Variants in SLIT1 observed in about 807,000 individuals in gnomAD.
SLIT1 encodes slit homolog 1 protein.
A neutral mutation model predicts 186.1 loss-of-function variants in SLIT1; 66 were observed. The observed-to-expected ratio is 0.35, with a 90% CI of 0.29 to 0.44. SLIT1 has a LOEUF of 0.44. SLIT1 is among the 20% of genes least tolerant of loss of function. The pLI is 1.00. For synonymous variants in SLIT1, 761 were observed against 833.8 expected (o/e 0.91, Z 1.50); for missense variants, 1,638 against 2,037.4 (o/e 0.80, Z 3.77).
intron 26 of SLIT1, among the ~76,000 whole-genome samples, chr10:97,019,376 C>T (rs889421420): frequency 6.6e-5 from 10 of 152,164 alleles, no homozygotes; most frequent in Admixed American, 5.9e-4. Flanking sequence ...GGCAGGCAGG[C>T]GGGCGGGCAC....
intron 6 of SLIT1, 116 bp from the exon 7 acceptor site, chr10:97,064,355 T>G: frequency 1.2e-6 from 1 of 825,844 alleles, no homozygotes; most frequent in South Asian, 1.5e-5. Context: ...AGCACGGGGC[T>G]GGACATGGAG....
intron 26 of SLIT1, among the ~76,000 whole-genome samples, chr10:97,020,153 T>C (rs1848490003): frequency 6.6e-6 from 1 of 151,894 alleles, no homozygotes; most frequent in Admixed American, 6.6e-5. Context: ...AAAATTTTTT[T>C]GTAGCAACAG....
intron 4 of SLIT1, among the ~76,000 whole-genome samples, chr10:97,118,562 T>C (rs76856065): frequency 0.051 from 7,700 of 152,254 alleles, 242 homozygotes; most frequent in Admixed American, 0.073. Context: ...TGACCTTCAA[T>C]AGAAAAGGCG....
chr10:97,181,092 G>A (rs766967472), intron 1 of SLIT1, among the ~76,000 whole-genome samples: 17 of 152,162 alleles, frequency 1.1e-4, no homozygotes, highest in Non-Finnish European at 1.9e-4. Flanking sequence ...GGGGAAACTG[G>A]GTCTCAGAGC....
intron 4 of SLIT1, among the ~76,000 whole-genome samples, chr10:97,119,913 GTATATA>G (rs55656011): frequency 0.027 from 1,518 of 56,502 alleles, 61 homozygotes; most frequent in South Asian, 0.061. Context: ...TTCCAAAGGG[GTATATA>G]TATATATATA....
At chr10:97,140,514 C>T (rs974973129) in intron 4 of SLIT1, among the ~76,000 whole-genome samples, 13 of 152,222 alleles carry the variant, frequency 8.5e-5, no homozygotes, top group African/African-American at 3.1e-4. Flanking sequence ...TGGAGCCCCT[C>T]ATTCTCCATA....
chr10:97,123,800 A>C (rs1388630683), intron 4 of SLIT1, among the ~76,000 whole-genome samples: 3 of 151,794 alleles, frequency 2.0e-5, no homozygotes, highest in South Asian at 2.1e-4. Context: ...AAAAAAAAAA[A>C]AAAAACTGGA....
At chr10:97,174,140 T>A (rs1564694966) in intron 1 of SLIT1, among the ~76,000 whole-genome samples, 1 of 152,120 alleles carries the variant, frequency 6.6e-6, no homozygotes, top group Non-Finnish European at 1.5e-5. Context: ...TGCCCACTTA[T>A]CTCCTCTGGA....
At chr10:97,064,303 G>A (rs903510326) in intron 6 of SLIT1, 64 bp from the exon 7 acceptor site, 14 of 1,367,088 alleles carry the variant, frequency 1.0e-5, no homozygotes, top group East Asian at 4.6e-5. Context: ...GGACAGGGCC[G>A]CCCTGCTAAC....
chr10:97,158,833 G>A (rs924357554), intron 3 of SLIT1, among the ~76,000 whole-genome samples: 1 of 148,802 alleles, frequency 6.7e-6, no homozygotes, highest in Non-Finnish European at 1.5e-5. Context: ...CTGAGATCAC[G>A]CCACCGCACT....
At chr10:97,019,131 T>G (rs773771904) in intron 26 of SLIT1, 24 bp from the exon 27 acceptor site, 10 of 1,358,952 alleles carry the variant, frequency 7.4e-6, no homozygotes, top group Non-Finnish European at 1.1e-5. Flanking sequence ...AGGGTGCTAG[T>G]GCAGGGGGAG....
Position 97,046,804 on chromosome 10 carries a change from G to A in SLIT1, c.1710-7C>T. 2 of 1,611,014 alleles carry A rather than the reference G, an allele frequency of 1.2e-6. No homozygotes were observed. Among genetic ancestry groups the A allele is most frequent in the Non-Finnish European group, 1.7e-6 (2 of 1,179,954 alleles). ...CTTGTTGTTGCTCAGATTGCTGGGA[G>A]AAGAGGCGGGGGGAGGATTACATAT... is the stretch of plus-strand genomic sequence containing the variant. On this transcript the variant is annotated splice_region_variant and splice_polypyrimidine_tract_variant and intron_variant, in intron 17 of 36. Transcript: ENST00000266058.
At chr10:97,123,185 C>T (rs1849574779) in intron 4 of SLIT1, among the ~76,000 whole-genome samples, 1 of 152,204 alleles carries the variant, frequency 6.6e-6, no homozygotes, top group Non-Finnish European at 1.5e-5. Flanking sequence ...TTCCCAAAGA[C>T]GTGATCTTCT....
chr10:97,033,785 G>A (rs979565437), intron 23 of SLIT1, among the ~76,000 whole-genome samples: 1 of 151,846 alleles, frequency 6.6e-6, no homozygotes, highest in Non-Finnish European at 1.5e-5. Flanking sequence ...CATAAAGTCA[G>A]GACAGCAGCT....
intron 20 of SLIT1, among the ~76,000 whole-genome samples, chr10:97,042,563 G>T (rs971633656): frequency 1.3e-5 from 2 of 152,130 alleles, no homozygotes; most frequent in Admixed American, 6.5e-5. Flanking sequence ...CAGCCAAAAG[G>T]CAGGTCTGAG....
In SLIT1 at chr10:97,185,898, C is replaced by T. The variant is rs1166555062; in HGVS notation, c.-224G>A. On this transcript the variant is annotated 5_prime_UTR_variant, in exon 1 of 37. Transcript: ENST00000266058. Reference sequence around the variant, plus strand: ...GGGCGGAGGGGGCTCGGCTCCTCTGCCGTTTCGCCGCCTGCGTCTCCCTCT... The same window carrying T: ...GGGCGGAGGGGGCTCGGCTCCTCTGTCGTTTCGCCGCCTGCGTCTCCCTCT... 6.1e-6 allele frequency: 3 copies of T among 493,180 alleles called. No individual in the cohort carries two copies. The highest frequency in any genetic ancestry group is 5.2e-4 in the Middle Eastern group (1 of 1,926). 30.6% of individuals were successfully genotyped at this position (493,180 alleles called of 1,614,324 possible). A position where few individuals can be genotyped will look rare whatever the true frequency, so the allele number is the denominator to read the frequency against.
chr10:97,146,297 G>A (rs978174150), intron 4 of SLIT1, among the ~76,000 whole-genome samples: 4 of 152,190 alleles, frequency 2.6e-5, no homozygotes, highest in Admixed American at 2.6e-4. Flanking sequence ...CACGGCTTAA[G>A]GGAAGGGTCT....
intron 1 of SLIT1, among the ~76,000 whole-genome samples, chr10:97,166,312 C>T (rs575180093): frequency 3.6e-4 from 54 of 151,582 alleles, no homozygotes; most frequent in African/African-American, 1.3e-3. Context: ...GTCAGGAGTT[C>T]GAGACCAGCC....
At chr10:97,061,182 C>T (rs569894955) in intron 8 of SLIT1, among the ~76,000 whole-genome samples, 1 of 152,310 alleles carries the variant, frequency 6.6e-6, no homozygotes, top group Admixed American at 6.5e-5. Context: ...ATGCCACATG[C>T]TATAATAAGT....
Sources: gnomAD v4.1 joint callset for allele counts (sites outside exome capture counted in the v4.1 genomes callset) on GRCh38, gnomAD v4.1.1 for gene constraint, MANE v1.5 for transcripts, NCBI Gene and HGNC (gene_info 2026-07-23, HGNC 2026-07-21) for gene names.